Variants in BAIAP2 observed in about 807,000 individuals in gnomAD.
The protein encoded by BAIAP2 is BAR/IMD domain containing adaptor protein 2, also known as BAR/IMD domain-containing adapter protein 2.
A neutral mutation model predicts 63.0 loss-of-function variants in BAIAP2; 18 were observed. The observed-to-expected ratio is 0.29, with a 90% CI of 0.20 to 0.42. BAIAP2 has a LOEUF of 0.42. Ranked by LOEUF, BAIAP2 falls within the 10% of genes least tolerant of loss-of-function variation. BAIAP2 has a pLI of 1.00. For missense variants in BAIAP2, 610 were observed against 734.3 expected (o/e 0.83, Z 1.96); for synonymous variants, 386 against 307.6 (o/e 1.25, Z -2.67).
At chr17:81,058,540 T>G (rs2050012724) in intron 3 of BAIAP2, among the ~76,000 whole-genome samples, 1 of 152,206 alleles carries the variant, frequency 6.6e-6, no homozygotes, top group Non-Finnish European at 1.5e-5. Flanking sequence ...GAGTCCATGC[T>G]TCCACAGTCC....
At chr17:81,059,745 C>T (rs746309377) in intron 3 of BAIAP2, among the ~76,000 whole-genome samples, 26 of 152,240 alleles carry the variant, frequency 1.7e-4, no homozygotes, top group Non-Finnish European at 2.6e-4. Flanking sequence ...GCCACCACGC[C>T]TGGCTGAAAG....
At chr17:81,088,902 C>G (rs187224043) in intron 6 of BAIAP2, among the ~76,000 whole-genome samples, 2 of 152,212 alleles carry the variant, frequency 1.3e-5, no homozygotes, top group Admixed American at 6.5e-5. Context: ...GAGCCACTCC[C>G]CCTCCCTCCT....
intron 1 of BAIAP2, 99 bp from the exon 2 acceptor site, chr17:81,053,569 G>C: frequency 7.7e-7 from 1 of 1,302,374 alleles, no homozygotes; most frequent in Admixed American, 1.7e-5. Context: ...ACCCCCAGGA[G>C]GGGTGCCTGC....
intron 10 of BAIAP2, chr17:81,105,730 C>G (rs2145965613): frequency 4.1e-6 from 1 of 242,874 alleles, no homozygotes; most frequent in South Asian, 5.3e-5. Flanking sequence ...CTCCATCTTT[C>G]TTCCAGTGGC....
intron 3 of BAIAP2, among the ~76,000 whole-genome samples, chr17:81,070,582 A>G (rs1369730779): frequency 6.6e-6 from 1 of 152,170 alleles, no homozygotes; most frequent in Non-Finnish European, 1.5e-5. Flanking sequence ...GGGCAGGAGA[A>G]GGCCCTGGCG....
chr17:81,072,234 C>T (rs1034819045), intron 3 of BAIAP2, among the ~76,000 whole-genome samples: 4 of 152,236 alleles, frequency 2.6e-5, no homozygotes, highest in African/African-American at 4.8e-5. Context: ...CCCAGGGCAG[C>T]GTTGGGAGAC....
intron 3 of BAIAP2, among the ~76,000 whole-genome samples, chr17:81,067,518 C>G (rs1465070945): frequency 6.6e-6 from 1 of 152,242 alleles, no homozygotes; most frequent in East Asian, 1.9e-4. Flanking sequence ...AGCAGCCGTC[C>G]TGATTGGATT....
chr17:81,051,152 G>A (rs1440238417), intron 1 of BAIAP2, among the ~76,000 whole-genome samples: 1 of 151,952 alleles, frequency 6.6e-6, no homozygotes, highest in Admixed American at 6.6e-5. Context: ...TGAGTGTTTA[G>A]CTCAGTGCTA....
rs1598829612 is a variant in BAIAP2 at position 81,108,890 on chromosome 17, C to T, written c.1535+381C>T. On this transcript the variant is annotated intron_variant, in intron 13 of 13. Coordinates refer to ENST00000428708, the MANE Select transcript of BAIAP2 (RefSeq NM_001144888.2). ...ACGGGAGCTGCTGAAAGGGGCATTG[C>T]TCGGTGCTGGCGGACTCGCCGCCTG... 11 of 1,507,722 alleles carry T rather than the reference C, an allele frequency of 7.3e-6. No individual in the cohort carries two copies. In the East Asian group the frequency reaches 2.7e-4, roughly 37 times the overall value. 93.4% of individuals were successfully genotyped at this position (1,507,722 alleles called of 1,614,324 possible).
chr17:81,069,036 C>A (rs11649702), intron 3 of BAIAP2, among the ~76,000 whole-genome samples: 67,447 of 152,020 alleles, frequency 0.44, 15,698 homozygotes, highest in East Asian at 0.57. Flanking sequence ...CAGGGGTGAT[C>A]CCGGTGGCAG....
intron 1 of BAIAP2, among the ~76,000 whole-genome samples, chr17:81,043,348 A>T (rs574122972): frequency 2.6e-5 from 4 of 152,338 alleles, no homozygotes; most frequent in Admixed American, 1.3e-4. Context: ...GTCCTCACGC[A>T]GTCCAGGCAT....
chr17:81,085,291 A>C (rs1283497931), intron 4 of BAIAP2: 1 of 507,212 alleles, frequency 2.0e-6, no homozygotes, highest in Non-Finnish European at 3.6e-6. Context: ...CATCCTGTCT[A>C]AAGCCAGGGG....
rs530087609 is a variant in BAIAP2 at position 81,053,611 on chromosome 17, C to T, written c.55-57C>T. The T allele has an allele frequency of 2.6e-5, 42 of 1,592,404 alleles. No individual in the cohort carries two copies. The East Asian group carries it at 3.3e-4, about 13-fold the overall frequency. On this transcript the variant is annotated intron_variant, in intron 1 of 13. Coordinates refer to ENST00000428708, the MANE Select transcript of BAIAP2 (RefSeq NM_001144888.2). ...TTTTCTCCTCTGTGTTCGGACCCTT[C>T]GGAGTCACCAGGGTGACCTCTGCCA...
chr17:81,050,063 C>G (rs1338214839), intron 1 of BAIAP2, among the ~76,000 whole-genome samples: 1 of 152,184 alleles, frequency 6.6e-6, no homozygotes, highest in African/African-American at 2.4e-5. Context: ...TCCCGTGGTT[C>G]CTGGGAGAGG....
intron 6 of BAIAP2, among the ~76,000 whole-genome samples, chr17:81,096,725 T>A (rs943913415): frequency 2.0e-5 from 3 of 152,218 alleles, no homozygotes; most frequent in Non-Finnish European, 2.9e-5. Context: ...TCCTCCTCCA[T>A]GGCTGCAGTA....
chr17:81,109,186 C>T, intron 13 of BAIAP2: 9 of 1,402,716 alleles, frequency 6.4e-6, no homozygotes, highest in South Asian at 1.6e-5. Context: ...GCTCCATCCG[C>T]CCCCCCTCCC....
chr17:81,050,046 G>A (rs1333738289), intron 1 of BAIAP2, among the ~76,000 whole-genome samples: 1 of 152,234 alleles, frequency 6.6e-6, no homozygotes, highest in Non-Finnish European at 1.5e-5. Flanking sequence ...AGGGGCCACT[G>A]GGCTCCTCCC....
intron 1 of BAIAP2, among the ~76,000 whole-genome samples, chr17:81,047,917 C>T (rs940615741): frequency 6.6e-6 from 1 of 152,264 alleles, no homozygotes; most frequent in Admixed American, 6.5e-5. Context: ...GGTCCATATG[C>T]ACGCAGGCCC....
chr17:81,113,152 G>T (rs1166937330), intron 13 of BAIAP2, among the ~76,000 whole-genome samples: 1 of 152,236 alleles, frequency 6.6e-6, no homozygotes, highest in Non-Finnish European at 1.5e-5. Context: ...AGGAGACAGA[G>T]CCCAGGCCTC....
Sources: allele counts gnomAD v4.1 joint callset (sites outside exome capture counted in the v4.1 genomes callset), GRCh38; gene constraint gnomAD v4.1.1; transcripts MANE v1.5; gene names NCBI Gene and HGNC (gene_info 2026-07-23, HGNC 2026-07-21).